PLCE1: variants seen among roughly 807,000 people sequenced by gnomAD.
The protein encoded by PLCE1 is phospholipase C epsilon 1.
Under a neutral mutation model 242.8 loss-of-function variants are expected in PLCE1, and 119 were observed. That is an observed-to-expected ratio of 0.49 (90% confidence interval 0.42 to 0.57). The LOEUF is 0.57. Among genes scored for constraint, PLCE1 ranks in the 20% least tolerant of loss-of-function variants. The pLI is 0.00. For missense variants in PLCE1, 2,441 were observed against 2,788.8 expected, an observed-to-expected ratio of 0.88 and a Z score of 2.81; for synonymous variants, 945 against 1,017.4, an observed-to-expected ratio of 0.93 and a Z score of 1.35.
At chr10:94,212,495 A>T (rs2049374438) in intron 4 of PLCE1, among the ~76,000 whole-genome samples, 2 of 152,098 alleles carry the variant, frequency 1.3e-5, no homozygotes, top group African/African-American at 2.4e-5. Context: ...TGACCTTGTG[A>T]TCCACCCTCC....
intron 32 of PLCE1, among the ~76,000 whole-genome samples, chr10:94,327,034 C>A (rs1011948352): frequency 6.6e-6 from 1 of 151,922 alleles, no homozygotes; most frequent in Non-Finnish European, 1.5e-5. Context: ...TGGTGGTGTG[C>A]GCAGGTAGTC....
At chr10:94,229,209 A>AAAAAT (rs2050059031) in intron 5 of PLCE1, among the ~76,000 whole-genome samples, 1 of 151,450 alleles carries the variant, frequency 6.6e-6, no homozygotes, top group East Asian at 1.9e-4. Flanking sequence ...AACAAAAAAA[A>AAAAAT]ACAGAAAAAA....
chr10:94,163,637 G>C (rs1232274595), intron 3 of PLCE1, among the ~76,000 whole-genome samples: 2 of 152,004 alleles, frequency 1.3e-5, no homozygotes, highest in Non-Finnish European at 2.9e-5. Context: ...CTTTTAATTG[G>C]AGCATTTAGC....
In PLCE1 at chr10:94,171,455, G is replaced by A; in HGVS notation, c.1768G>A (p.Glu590Lys). The A allele has an allele frequency of 6.2e-7, 1 of 1,614,174 alleles. No individual in the cohort carries two copies. The highest frequency in any genetic ancestry group is 8.5e-7 in the Non-Finnish European group (1 of 1,179,986). Residue 590 changes from glutamate to lysine, a missense_variant, in exon 4 of 33, where the codon GAG becomes AAG. Glu to Lys is a moderately conservative substitution (Grantham distance 56). Transcript: ENST00000371380. ...GTCGATTCTTACCACTCAGAATGGA[G>A]AGCACAATGCCCTTGAAGATCTGGT... is the stretch of plus-strand genomic sequence containing the variant. ...SASILTTQNG[E>K]HNALEDLVMR...
intron 22 of PLCE1, 144 bp downstream of exon 22, chr10:94,285,109 T>G (rs754648572): frequency 1.6e-6 from 1 of 610,426 alleles, no homozygotes; most frequent in Admixed American, 2.9e-5. Context: ...CTAAATATCT[T>G]TATTATTATA....
chr10:94,326,988 G>A (rs377697250), intron 32 of PLCE1, among the ~76,000 whole-genome samples: 12 of 151,270 alleles, frequency 7.9e-5, no homozygotes, highest in East Asian at 4.0e-4. Context: ...GTGAAACCCC[G>A]TCTCTACTAA....
At chr10:94,193,501 C>T (rs192421870) in intron 4 of PLCE1, among the ~76,000 whole-genome samples, 1 of 152,130 alleles carries the variant, frequency 6.6e-6, no homozygotes, top group Non-Finnish European at 1.5e-5. Flanking sequence ...TTAGTATCTG[C>T]TTTATTTTAC....
At chr10:94,295,749 C>T (rs2052790283) in intron 23 of PLCE1, among the ~76,000 whole-genome samples, 1 of 152,202 alleles carries the variant, frequency 6.6e-6, no homozygotes, top group South Asian at 2.1e-4. Context: ...GTTCAAATTA[C>T]TCCTTGTTCA....
Position 94,259,167 on chromosome 10 carries a change from A to G in PLCE1, c.3814+17A>G. On this transcript the variant is annotated intron_variant, in intron 13 of 32. Coordinates refer to ENST00000371380, the MANE Select transcript of PLCE1 (RefSeq NM_016341.4). ...CTGACCTAGGTTTGTTGAACATTTT[A>G]GGATTTCCCTTTGGGATCAATCTGT... 1 of 1,613,770 alleles carries G rather than the reference A, an allele frequency of 6.2e-7. No individual in the cohort carries two copies. The highest frequency in any genetic ancestry group is 8.5e-7 in the Non-Finnish European group (1 of 1,179,638).
At chr10:94,050,690 CA>C (rs1210357630) in intron 2 of PLCE1, among the ~76,000 whole-genome samples, 1 of 149,812 alleles carries the variant, frequency 6.7e-6, no homozygotes, top group Non-Finnish European at 1.5e-5. Flanking sequence ...GGTTTTTTTG[CA>C]AAAAAATAAA....
chr10:94,296,294 A>C (rs2052811470), intron 23 of PLCE1, among the ~76,000 whole-genome samples: 1 of 148,732 alleles, frequency 6.7e-6, no homozygotes, highest in Non-Finnish European at 1.5e-5. Flanking sequence ...TGAACCCGGG[A>C]GGCGGAGCTT....
chr10:94,211,399 C>G (rs1430321165), intron 4 of PLCE1, among the ~76,000 whole-genome samples: 1 of 152,220 alleles, frequency 6.6e-6, no homozygotes, highest in Non-Finnish European at 1.5e-5. Context: ...CTCAGCATTA[C>G]CACTCACTAA....
At position 94,282,314 on chromosome 10, in the gene PLCE1, A is replaced by G. The variant is rs558891100; in HGVS notation, c.4796-1476A>G. Reference sequence around the variant, plus strand: ...AGGAAGTTGCAAATGAGAGTTATTTATCTGAGAAATTGTAACTCTGCCTTT... The same window carrying G: ...AGGAAGTTGCAAATGAGAGTTATTTGTCTGAGAAATTGTAACTCTGCCTTT... On this transcript the variant is annotated intron_variant, in intron 20 of 32. Transcript: ENST00000371380. Among the ~76,000 whole-genome samples, 400 of 152,156 alleles carry G rather than the reference A, an allele frequency of 2.6e-3. 4 individuals are homozygous for G. The highest frequency in any genetic ancestry group is 7.5e-3 in the African/African-American group (313 of 41,504).
Position 94,268,976 on chromosome 10 carries a change from A to G in PLCE1, c.4329A>G (p.Gly1443=). 1 of 1,612,254 alleles carries G rather than the reference A, an allele frequency of 6.2e-7. No individual in the cohort carries two copies. Among genetic ancestry groups the G allele is most frequent in the South Asian group, 1.1e-5 (1 of 91,040 alleles). ...CRSVELDCWD[G]DDGMPIIYHG... is the part of the protein sequence containing the mutation. ...GTGTAGAATTGGACTGCTGGGACGGAGACGATGGGATGCCCATCATTTATC... is the reference window on the plus strand; with the variant it reads ...GTGTAGAATTGGACTGCTGGGACGGGGACGATGGGATGCCCATCATTTATC... The change falls in exon 17 of 33, where the codon GGA becomes GGG. Residue 1443 remains glycine, a synonymous_variant. Transcript: ENST00000371380.
At position 94,227,446 on chromosome 10, in the gene PLCE1, C is replaced by A. The variant is rs746028740; in HGVS notation, c.1950C>A (p.Gly650=). 6.2e-7 allele frequency: 1 copy of A among 1,613,768 alleles called. No individual in the cohort carries two copies. Among genetic ancestry groups the A allele is most frequent in the African/African-American group, 1.3e-5 (1 of 75,022 alleles). Residue 650 remains glycine (G), a synonymous_variant, in exon 5 of 33, where the codon GGC becomes GGA. Coordinates refer to ENST00000371380, the MANE Select transcript of PLCE1 (RefSeq NM_016341.4). ...ACGCTGTCATGGAGTTCTTGGCTGG[C>A]CTCAGGTATAGTCAGTGGGGAATAT... ...NYNAVMEFLA[G]LRSRKVLKMW...
chr10:94,306,419 C>A lies in PLCE1; in HGVS notation c.5623-8C>A. 6.2e-7 allele frequency: 1 copy of A among 1,614,120 alleles called. No homozygotes were observed. Among genetic ancestry groups the A allele is most frequent in the Middle Eastern group, 1.6e-4 (1 of 6,062 alleles). On this transcript the variant is annotated splice_polypyrimidine_tract_variant and splice_region_variant and intron_variant, in intron 25 of 32. Transcript: ENST00000371380. The surrounding 1 kb of genome is among the most constrained non-coding windows in gnomAD (Gnocchi z 5.7). ...TGACTTTGATCCCTTTTGTCTCCCT[C>A]ACCCTAGATTGTCTCTGGTCAGAAT...
At chr10:94,231,824 A>C (rs963139407) in intron 5 of PLCE1, among the ~76,000 whole-genome samples, 1 of 152,098 alleles carries the variant, frequency 6.6e-6, no homozygotes, top group South Asian at 2.1e-4. Context: ...TGCTATGAGA[A>C]TCTAATGCCA....
intron 19 of PLCE1, 49 bp downstream of exon 19, chr10:94,273,769 A>G: frequency 6.6e-7 from 1 of 1,519,734 alleles, no homozygotes; most frequent in Non-Finnish European, 9.1e-7. Flanking sequence ...TGCCTAGAAC[A>G]AAGAAAAATA....
At chr10:94,011,258 G>C (rs1175799266) in intron 1 of PLCE1, among the ~76,000 whole-genome samples, 1 of 152,114 alleles carries the variant, frequency 6.6e-6, no homozygotes, top group African/African-American at 2.4e-5. Flanking sequence ...CAGAGAGAAG[G>C]GGGAGGTTCC....
Sources: allele counts gnomAD v4.1 joint callset (sites outside exome capture counted in the v4.1 genomes callset), GRCh38; gene constraint gnomAD v4.1.1; non-coding constraint Gnocchi (gnomAD v3.1); transcripts MANE v1.5; gene names NCBI Gene and HGNC (gene_info 2026-07-23, HGNC 2026-07-21).